ASB4: variants seen among roughly 807,000 people sequenced by gnomAD.
The protein encoded by ASB4 is ankyrin repeat and SOCS box containing 4.
Under a neutral mutation model 38.6 loss-of-function variants are expected in ASB4, and 35 were observed. That is an observed-to-expected ratio of 0.91 (90% CI 0.69 to 1.20). ASB4 has a LOEUF of 1.20. Among genes scored for constraint, ASB4 ranks in the 50% most tolerant of loss-of-function variants. ASB4 has a pLI of 0.00. For missense variants in ASB4, 557 were observed against 527.2 expected (o/e 1.06, Z -0.55); for synonymous variants, 195 against 201.3 (o/e 0.97, Z 0.26).
chr7:95,530,338 G>A (rs1389307144), intron 3 of ASB4, among the ~76,000 whole-genome samples: 1 of 152,042 alleles, frequency 6.6e-6, no homozygotes, highest in African/African-American at 2.4e-5. Flanking sequence ...TGTGGCGTGC[G>A]CCTGTAGTCC....
intron 1 of ASB4, among the ~76,000 whole-genome samples, chr7:95,488,742 T>C (rs1790129777): frequency 6.6e-6 from 1 of 152,192 alleles, no homozygotes. Context: ...TCCGCAAAAG[T>C]GCATAAATAA....
chr7:95,530,334 G>A (rs1039235492), intron 3 of ASB4, among the ~76,000 whole-genome samples: 5 of 152,094 alleles, frequency 3.3e-5, no homozygotes, highest in East Asian at 3.9e-4. Context: ...GTGTTGTGGC[G>A]TGCGCCTGTA....
chr7:95,515,300 T>TC lies in ASB4; in HGVS notation c.488-12512dup. Among the ~76,000 whole-genome samples the TC allele has an allele frequency of 2.3e-5, 3 of 129,320 alleles. 1 individual carries two copies. In the East Asian group the frequency reaches 6.6e-4, roughly 29 times the overall value. 84.8% of individuals were successfully genotyped at this position (129,320 alleles called of 152,430 possible). ...TTCTTTCTTTCTTTCTTTCTTTCTT[T>TC]CTTTCTTTCTTTCTTTCTTCCTTCC... On this transcript the variant is annotated intron_variant, in intron 2 of 4. Transcript: ENST00000325885.
the ASB4 span, among the ~76,000 whole-genome samples, chr7:95,547,774 C>A: frequency 6.6e-6 from 1 of 152,118 alleles, no homozygotes; most frequent in Non-Finnish European, 1.5e-5. Flanking sequence ...CGGTTGAATG[C>A]CTTACAAGAA....
At chr7:95,496,417 A>G (rs1464701577) in intron 2 of ASB4, among the ~76,000 whole-genome samples, 1 of 152,194 alleles carries the variant, frequency 6.6e-6, no homozygotes, top group Non-Finnish European at 1.5e-5. Flanking sequence ...TAAATTCATA[A>G]ATATATAATT....
chr7:95,477,931 T>TC (rs1789992205), upstream of ASB4, among the ~76,000 whole-genome samples: 4 of 152,134 alleles, frequency 2.6e-5, no homozygotes, highest in South Asian at 8.3e-4. Flanking sequence ...ATTTTTTTTT[T>TC]CCTGCAATAT....
At chr7:95,545,530 CCT>C in the ASB4 span, among the ~76,000 whole-genome samples, 32 of 152,270 alleles carry the variant, frequency 2.1e-4, no homozygotes, top group African/African-American at 7.5e-4. Flanking sequence ...TTTCTTCCTC[CCT>C]GTTTTTCTTT....
intron 1 of ASB4, 21 bp from the exon 2 acceptor site, chr7:95,495,737 C>CCTTTTT: frequency 7.5e-7 from 1 of 1,329,242 alleles, no homozygotes; most frequent in Non-Finnish European, 1.0e-6. Context: ...CTTTCCTTTT[C>CCTTTTT]CTTTTTTTTT....
chr7:95,505,539 G>C (rs1045469581), intron 2 of ASB4, among the ~76,000 whole-genome samples: 1 of 152,006 alleles, frequency 6.6e-6, no homozygotes, highest in Non-Finnish European at 1.5e-5. Flanking sequence ...TGATTAGTTT[G>C]GTATTTAGCT....
chr7:95,543,898 AT>A (rs1342517060), downstream of ASB4: 3 of 152,212 alleles, frequency 2.0e-5, no homozygotes, highest in Non-Finnish European at 2.9e-5. Context: ...AGTAACAATT[AT>A]GATACAACCA....
At chr7:95,516,452 G>A (rs1049187674) in intron 2 of ASB4, among the ~76,000 whole-genome samples, 31 of 152,230 alleles carry the variant, frequency 2.0e-4, no homozygotes, top group African/African-American at 7.5e-4. Context: ...CTTTCTTTAA[G>A]GTTGAGTAAG....
At chr7:95,492,955 T>G (rs1790192752) in intron 1 of ASB4, among the ~76,000 whole-genome samples, 1 of 152,176 alleles carries the variant, frequency 6.6e-6, no homozygotes, top group Non-Finnish European at 1.5e-5. Flanking sequence ...TGTACATAAC[T>G]CAATAGAAAT....
At chr7:95,495,077 T>G (rs2116588113) in intron 1 of ASB4, among the ~76,000 whole-genome samples, 1 of 152,374 alleles carries the variant, frequency 6.6e-6, no homozygotes, top group Admixed American at 6.5e-5. Context: ...TGTCTTACTT[T>G]TGACATTTTT....
At chr7:95,515,316 TCTTCCTTC>T (rs1274522352) in intron 2 of ASB4, among the ~76,000 whole-genome samples, 30 of 95,816 alleles carry the variant, frequency 3.1e-4, no homozygotes, top group African/African-American at 1.2e-3. Context: ...TTTCTTTCTT[TCTTCCTTC>T]CTTCCTTCCT....
In ASB4 at chr7:95,511,843, G is replaced by C. The variant is rs146896450; in HGVS notation, c.487+15786G>C. Among the ~76,000 whole-genome samples, 10 of 152,284 alleles carry C rather than the reference G, an allele frequency of 6.6e-5. No homozygotes were observed. In the East Asian group the frequency reaches 1.9e-3, roughly 29 times the overall value. On this transcript the variant is annotated intron_variant, in intron 2 of 4. Transcript: ENST00000325885. Reference sequence around the variant, plus strand: ...ATAGTGAAATCAGGTTTTGACTGCAGTGACCTCAATACAGAGCTCTCGTTT... The same window carrying C: ...ATAGTGAAATCAGGTTTTGACTGCACTGACCTCAATACAGAGCTCTCGTTT...
At chr7:95,514,603 G>A (rs1350761636) in intron 2 of ASB4, among the ~76,000 whole-genome samples, 1 of 152,060 alleles carries the variant, frequency 6.6e-6, no homozygotes, top group Non-Finnish European at 1.5e-5. Context: ...CATTCTGACA[G>A]GCATGCAACC....
chr7:95,503,373 A>C lies in ASB4; in HGVS notation c.487+7316A>C, dbSNP rs915782160. Reference sequence around the variant, plus strand: ...GAGCATCTTGTTTTCTTTCCTTTGCATTTTTATGCCTCAGCTTCTTGGACA... The same window carrying C: ...GAGCATCTTGTTTTCTTTCCTTTGCCTTTTTATGCCTCAGCTTCTTGGACA... On this transcript the variant is annotated intron_variant, in intron 2 of 4. Transcript: ENST00000325885. Among the ~76,000 whole-genome samples the C allele has an allele frequency of 3.9e-5, 6 of 152,150 alleles. No individual in the cohort carries two copies. The East Asian group carries it at 9.6e-4, about 24-fold the overall frequency.
intron 2 of ASB4, among the ~76,000 whole-genome samples, chr7:95,501,481 C>T (rs1790337204): frequency 6.6e-6 from 1 of 152,210 alleles, no homozygotes; most frequent in Admixed American, 6.5e-5. Context: ...CACCTCACCG[C>T]ATTCCATCTT....
intron 3 of ASB4, among the ~76,000 whole-genome samples, chr7:95,529,641 A>T (rs78481746): frequency 0.1 from 15,493 of 152,106 alleles, 929 homozygotes; most frequent in African/African-American, 0.16. Flanking sequence ...ATTCTTTTTT[A>T]AAAAATTATA....
Sources: allele counts gnomAD v4.1 joint callset (sites outside exome capture counted in the v4.1 genomes callset), GRCh38; gene constraint gnomAD v4.1.1; transcripts MANE v1.5; gene names NCBI Gene and HGNC (gene_info 2026-07-23, HGNC 2026-07-21).